PAM: variants seen among roughly 807,000 people sequenced by gnomAD.
PAM encodes peptidyl-glycine alpha-amidating monooxygenase.
Under a neutral mutation model 122.1 loss-of-function variants are expected in PAM, and 72 were observed. That is an observed-to-expected ratio of 0.59 (90% CI 0.49 to 0.72). The LOEUF (loss-of-function observed/expected upper bound fraction) is 0.72. Ranked by LOEUF, PAM falls within the 30% of genes least tolerant of loss-of-function variation. PAM has a pLI of 0.00. For synonymous variants in PAM, 389 were observed against 404.4 expected (o/e 0.96, Z 0.46); for missense variants, 1,106 against 1,183.7 (o/e 0.93, Z 0.96).
intron 1 of PAM, among the ~76,000 whole-genome samples, chr5:102,792,773 A>G (rs1762367255): frequency 6.6e-6 from 1 of 152,216 alleles, no homozygotes; most frequent in Admixed American, 6.5e-5. Flanking sequence ...ATCAGAATAC[A>G]GCTTCAGTTT....
At chr5:102,786,422 T>G (rs964179747) in intron 1 of PAM, among the ~76,000 whole-genome samples, 1 of 152,208 alleles carries the variant, frequency 6.6e-6, no homozygotes, top group Non-Finnish European at 1.5e-5. Flanking sequence ...TAGTGTAAGC[T>G]CTTATTAATA....
Position 102,948,394 on chromosome 5 carries a change from G to A in PAM, c.592G>A (p.Gly198Ser). The change falls in exon 9 of 26, where the codon GGC (glycine) becomes AGC (serine). Residue 198 changes from glycine (G) to serine (S), a missense_variant. Coordinates refer to ENST00000438793, the MANE Select transcript of PAM (RefSeq NM_001177306.2). ...TTTCTGCAGACAGCCTTTAATTGCT[G>A]GCATGTACCTTATGATGTCTGTTGA... ...LTRLPQPLIA[G>S]MYLMMSVDTV... 6.3e-7 allele frequency: 1 copy of A among 1,587,692 alleles called. No individual in the cohort carries two copies.
chr5:102,760,376 T>C (rs530536880), intron 1 of PAM, among the ~76,000 whole-genome samples: 1 of 152,300 alleles, frequency 6.6e-6, no homozygotes, highest in African/African-American at 2.4e-5. Context: ...TTTTCTGTCT[T>C]CTTCCAGCAT....
At chr5:102,942,727 G>A (rs1260825492) in intron 7 of PAM, among the ~76,000 whole-genome samples, 2 of 130,342 alleles carry the variant, frequency 1.5e-5, no homozygotes, top group African/African-American at 6.0e-5. Context: ...ACGCCAGCAT[G>A]CCCGGCTAAT....
intron 21 of PAM, among the ~76,000 whole-genome samples, chr5:103,011,940 G>A (rs1309285207): frequency 6.6e-6 from 1 of 152,024 alleles, no homozygotes; most frequent in Non-Finnish European, 1.5e-5. Context: ...CCTGACTTTT[G>A]GATGAAAGTC....
At chr5:102,918,766 G>A (rs1191030252) in intron 5 of PAM, among the ~76,000 whole-genome samples, 3 of 151,996 alleles carry the variant, frequency 2.0e-5, no homozygotes, top group African/African-American at 7.2e-5. Context: ...TTGTAGGCTT[G>A]TGCATTTTTT....
intron 1 of PAM, among the ~76,000 whole-genome samples, chr5:102,788,768 T>A (rs1388441591): frequency 6.6e-6 from 1 of 152,154 alleles, no homozygotes; most frequent in East Asian, 1.9e-4. Flanking sequence ...ATTGCTTTGT[T>A]CTTATTCCAT....
chr5:103,003,075 A>T lies in PAM; in HGVS notation c.1656A>T (p.Gly552=), dbSNP rs901839200. ...SKFVYQQIGL[G]PIEEDTILVI... is the part of the protein sequence containing the mutation. ...TTGTTTACCAGCAAATAGGACTCGG[A>T]CCAATTGAAGAAGACACTATTCTTG... The change falls in exon 17 of 26, where the codon GGA becomes GGT. Residue 552 remains glycine (G), a synonymous_variant. Transcript: ENST00000438793. 2 of 1,608,446 alleles carry T rather than the reference A, an allele frequency of 1.2e-6. No individual in the cohort carries two copies. Among genetic ancestry groups the T allele is most frequent in the Non-Finnish European group, 1.7e-6 (2 of 1,175,042 alleles).
chr5:102,813,559 T>C (rs975616856), intron 1 of PAM, among the ~76,000 whole-genome samples: 7 of 152,232 alleles, frequency 4.6e-5, no homozygotes, highest in African/African-American at 1.7e-4. Context: ...TGTTTTTCTT[T>C]AATTTATTGT....
At chr5:102,903,620 A>G (rs1798646752) in intron 4 of PAM, among the ~76,000 whole-genome samples, 1 of 151,526 alleles carries the variant, frequency 6.6e-6, no homozygotes, top group African/African-American at 2.4e-5. Flanking sequence ...ATTGTTCACT[A>G]AGAGCCTGCC....
intron 3 of PAM, among the ~76,000 whole-genome samples, chr5:102,875,720 A>G (rs902141703): frequency 1.3e-5 from 2 of 152,232 alleles, no homozygotes; most frequent in Non-Finnish European, 2.9e-5. Context: ...CTTGTGAGCC[A>G]TATAGGTTCT....
At chr5:102,848,855 T>C (rs1173609156) in intron 1 of PAM, among the ~76,000 whole-genome samples, 1 of 152,116 alleles carries the variant, frequency 6.6e-6, no homozygotes, top group Non-Finnish European at 1.5e-5. Context: ...TAGAGATAAA[T>C]GTGGAACAGA....
intron 3 of PAM, among the ~76,000 whole-genome samples, chr5:102,868,287 A>C (rs1465508469): frequency 6.7e-6 from 1 of 148,616 alleles, no homozygotes; most frequent in Non-Finnish European, 1.5e-5. Context: ...TACTAGGAAA[A>C]TAAAGTATTC....
intron 1 of PAM, among the ~76,000 whole-genome samples, chr5:102,854,094 G>A (rs1035169628): frequency 1.4e-4 from 22 of 152,134 alleles, no homozygotes; most frequent in East Asian, 5.8e-4. Flanking sequence ...TGTGCAACAC[G>A]TTCCTTGACT....
chr5:102,885,675 C>A (rs1792830292), intron 3 of PAM, among the ~76,000 whole-genome samples: 1 of 151,942 alleles, frequency 6.6e-6, no homozygotes, highest in East Asian at 1.9e-4. Context: ...AGTACCTGCC[C>A]TAAATAGTTT....
At chr5:102,892,825 C>G (rs926553215) in intron 3 of PAM, among the ~76,000 whole-genome samples, 1 of 151,766 alleles carries the variant, frequency 6.6e-6, no homozygotes, top group Non-Finnish European at 1.5e-5. Flanking sequence ...GGTGCTGATA[C>G]CAGTTATCAA....
At chr5:102,890,424 T>C (rs1415431244) in intron 3 of PAM, among the ~76,000 whole-genome samples, 2 of 151,906 alleles carry the variant, frequency 1.3e-5, no homozygotes, top group African/African-American at 4.8e-5. Flanking sequence ...ATAAGTATTC[T>C]TCTCATTCCT....
chr5:102,847,041 G>T (rs1335943994), intron 1 of PAM, among the ~76,000 whole-genome samples: 1 of 152,166 alleles, frequency 6.6e-6, no homozygotes, highest in African/African-American at 2.4e-5. Flanking sequence ...AGTGTGGTTA[G>T]TGCTGCTGCT....
intron 1 of PAM, among the ~76,000 whole-genome samples, chr5:102,850,606 G>T (rs537817473): frequency 2.2e-4 from 33 of 152,120 alleles, no homozygotes; most frequent in Admixed American, 7.9e-4. Context: ...TCACACACAG[G>T]CTTTTAAAAC....
Sources: gnomAD v4.1 joint callset for allele counts (sites outside exome capture counted in the v4.1 genomes callset) on GRCh38, gnomAD v4.1.1 for gene constraint, MANE v1.5 for transcripts, NCBI Gene and HGNC (gene_info 2026-07-23, HGNC 2026-07-21) for gene names.